TMC1: variants seen among roughly 807,000 people sequenced by gnomAD.
The protein encoded by TMC1 is transmembrane channel like 1.
A neutral mutation model predicts 105.8 loss-of-function variants in TMC1; 84 were observed. The ratio of observed to expected loss-of-function variants is 0.79; its 90% CI spans 0.67 to 0.95. TMC1 has a LOEUF of 0.95. TMC1 is among the 40% of genes least tolerant of loss of function. TMC1 has a pLI of 0.00. For synonymous variants in TMC1, 315 were observed against 311.5 expected, an observed-to-expected ratio of 1.01 and a Z score of -0.12; for missense variants, 817 against 914.1, an observed-to-expected ratio of 0.89 and a Z score of 1.37.
chr9:72,711,202 A>G (rs1826829541), intron 8 of TMC1, among the ~76,000 whole-genome samples: 1 of 152,156 alleles, frequency 6.6e-6, no homozygotes, highest in African/African-American at 2.4e-5. Context: ...AGTCTTTGCT[A>G]TTATGAATAG....
At chr9:72,786,549 G>A (rs926882335) in intron 13 of TMC1, among the ~76,000 whole-genome samples, 3 of 152,204 alleles carry the variant, frequency 2.0e-5, no homozygotes, top group Non-Finnish European at 2.9e-5. Flanking sequence ...CAAAGCAAAT[G>A]ATGTATTGAG....
At chr9:72,585,039 C>G (rs1418439241) in intron 2 of TMC1, among the ~76,000 whole-genome samples, 1 of 151,942 alleles carries the variant, frequency 6.6e-6, no homozygotes, top group Non-Finnish European at 1.5e-5. Flanking sequence ...CACACCTCGA[C>G]CTCCCAAAGT....
intron 12 of TMC1, 55 bp from the exon 13 acceptor site, chr9:72,772,358 T>C (rs895188649): frequency 1.7e-4 from 270 of 1,611,164 alleles, no homozygotes; most frequent in Middle Eastern, 8.2e-4. Context: ...GTTGATCTTT[T>C]CCTTTGAGTT....
chr9:72,648,340 C>A (rs764110262), intron 4 of TMC1, among the ~76,000 whole-genome samples: 2 of 152,130 alleles, frequency 1.3e-5, no homozygotes, highest in Admixed American at 6.6e-5. Flanking sequence ...GGGATGAAGC[C>A]AGCTTTGCTC....
At chr9:72,696,141 A>T (rs2117850696) in intron 7 of TMC1, among the ~76,000 whole-genome samples, 1 of 152,290 alleles carries the variant, frequency 6.6e-6, no homozygotes, top group South Asian at 2.1e-4. Context: ...TTTTAAAAAG[A>T]TGAGTTGGAC....
At chr9:72,769,391 T>A (rs1827889162) in intron 12 of TMC1, among the ~76,000 whole-genome samples, 1 of 152,194 alleles carries the variant, frequency 6.6e-6, no homozygotes, top group South Asian at 2.1e-4. Context: ...CATAAAAGAA[T>A]GTAGTGTCTT....
intron 1 of TMC1, among the ~76,000 whole-genome samples, chr9:72,542,287 C>T (rs1158893954): frequency 6.6e-6 from 1 of 152,058 alleles, no homozygotes; most frequent in African/African-American, 2.4e-5. Flanking sequence ...ATGGTGAAAC[C>T]CCGTCTCTGC....
intron 5 of TMC1, among the ~76,000 whole-genome samples, chr9:72,680,656 G>C (rs1268323517): frequency 6.6e-6 from 1 of 151,724 alleles, no homozygotes; most frequent in Non-Finnish European, 1.5e-5. Flanking sequence ...TTTTCTCTTT[G>C]TCTCTCTTCT....
chr9:72,787,188 A>G lies in TMC1; in HGVS notation c.885-1151A>G, dbSNP rs367856680. On this transcript the variant is annotated intron_variant, in intron 13 of 23. Coordinates refer to ENST00000297784, the MANE Select transcript of TMC1 (RefSeq NM_138691.3). ...TTTGAGCTTCAGCTTCCTTATCTGT[A>G]AAAAGGAGAGTAACTACCTTGACTT... Among the ~76,000 whole-genome samples the G allele has an allele frequency of 3.9e-5, 6 of 152,204 alleles. No homozygotes were observed. In the East Asian group the frequency reaches 5.8e-4, roughly 15 times the overall value.
intron 2 of TMC1, among the ~76,000 whole-genome samples, chr9:72,580,216 C>A (rs1358302352): frequency 5.9e-5 from 9 of 152,204 alleles, no homozygotes; most frequent in Admixed American, 2.0e-4. Flanking sequence ...CTAAATGTTT[C>A]TCAAAGTTTA....
intron 13 of TMC1, among the ~76,000 whole-genome samples, chr9:72,786,104 G>A (rs1042752707): frequency 1.3e-5 from 2 of 152,116 alleles, no homozygotes; most frequent in Non-Finnish European, 1.5e-5. Flanking sequence ...ATGACCTCAG[G>A]GTATAAATGG....
chr9:72,535,948 C>G (rs1823575165), intron 1 of TMC1, among the ~76,000 whole-genome samples: 1 of 152,144 alleles, frequency 6.6e-6, no homozygotes, highest in Admixed American at 6.5e-5. Flanking sequence ...GACCAAAATA[C>G]CTCTCATTAG....
chr9:72,743,292 A>G (rs374779999), intron 10 of TMC1, among the ~76,000 whole-genome samples: 154 of 149,630 alleles, frequency 1.0e-3, no homozygotes, highest in African/African-American at 2.3e-3. Context: ...GCGTGAACCC[A>G]GGAGGCGGAG....
chr9:72,574,716 A>C (rs898509712), intron 1 of TMC1, among the ~76,000 whole-genome samples: 1 of 152,236 alleles, frequency 6.6e-6, no homozygotes, highest in African/African-American at 2.4e-5. Context: ...CTTGCTCTGC[A>C]GTGGGGGTCA....
chr9:72,659,831 T>C (rs976026326), intron 5 of TMC1, among the ~76,000 whole-genome samples: 1 of 152,196 alleles, frequency 6.6e-6, no homozygotes, highest in Non-Finnish European at 1.5e-5. Flanking sequence ...GAATTTCTAA[T>C]GGGGCAGCTA....
chr9:72,791,119 C>A (rs548173120), intron 15 of TMC1, among the ~76,000 whole-genome samples: 1 of 152,066 alleles, frequency 6.6e-6, no homozygotes, highest in Non-Finnish European at 1.5e-5. Flanking sequence ...ATAATATCAT[C>A]ATAAGGTTGC....
intron 1 of TMC1, among the ~76,000 whole-genome samples, chr9:72,571,635 A>G (rs1824288199): frequency 6.6e-6 from 1 of 151,638 alleles, no homozygotes; most frequent in Non-Finnish European, 1.5e-5. Flanking sequence ...TTTAGTAAAG[A>G]TGGGGTTTCA....
chr9:72,796,951 C>T (rs1828381386), intron 17 of TMC1, among the ~76,000 whole-genome samples: 1 of 152,138 alleles, frequency 6.6e-6, no homozygotes, highest in South Asian at 2.1e-4. Context: ...TTGCAGATGA[C>T]ATGATCCTAT....
chr9:72,599,537 T>A (rs1236124009), intron 2 of TMC1, among the ~76,000 whole-genome samples: 1 of 152,200 alleles, frequency 6.6e-6, no homozygotes, highest in Non-Finnish European at 1.5e-5. Flanking sequence ...AAATTGAAGT[T>A]CGATTTTCAT....
Sources: gnomAD v4.1 joint callset for allele counts (sites outside exome capture counted in the v4.1 genomes callset) on GRCh38, gnomAD v4.1.1 for gene constraint, MANE v1.5 for transcripts, NCBI Gene and HGNC (gene_info 2026-07-23, HGNC 2026-07-21) for gene names.